DRG2: variants seen among roughly 807,000 people sequenced by gnomAD.
The protein encoded by DRG2 is developmentally-regulated GTP-binding protein 2.
In DRG2, 36 loss-of-function variants were observed where a neutral mutation model predicts 53.4. The observed-to-expected ratio is 0.67, with a 90% CI of 0.52 to 0.89. The LOEUF is 0.89. Among genes scored for constraint, DRG2 ranks in the 40% least tolerant of loss-of-function variants. The pLI is 0.00. For synonymous variants in DRG2, 167 were observed against 192.1 expected, an observed-to-expected ratio of 0.87 and a Z score of 1.08; for missense variants, 342 against 481.2, an observed-to-expected ratio of 0.71 and a Z score of 2.71.
At chr17:18,106,289 C>A in intron 11 of DRG2, 144 bp from the exon 12 acceptor site, 1 of 833,696 alleles carries the variant, frequency 1.2e-6, no homozygotes, top group Non-Finnish European at 2.0e-6. Flanking sequence ...CGTCAGTCCT[C>A]CACACAAGGC....
intron 1 of DRG2, 127 bp downstream of exon 1, chr17:18,088,214 T>C: frequency 1.6e-6 from 2 of 1,216,294 alleles, no homozygotes; most frequent in Non-Finnish European, 2.2e-6. Flanking sequence ...GCCAGACAAG[T>C]GCCGAGGCCG....
chr17:18,098,201 A>G lies in DRG2; in HGVS notation c.226-69A>G, dbSNP rs911045630. Reference sequence around the variant, plus strand: ...CTGCTGCCTGCACCTGCAGGCCCCCAGCCCCTGGGGCCTCTCCCAGAAGGC... The same window carrying G: ...CTGCTGCCTGCACCTGCAGGCCCCCGGCCCCTGGGGCCTCTCCCAGAAGGC... On this transcript the variant is annotated intron_variant, in intron 2 of 12. Coordinates refer to ENST00000225729, the MANE Select transcript of DRG2 (RefSeq NM_001388.5). The surrounding 1 kb of genome is among the most constrained non-coding windows in gnomAD (Gnocchi z 4.1). 7.3e-7 allele frequency: 1 copy of G among 1,364,482 alleles called. No individual in the cohort carries two copies. Among genetic ancestry groups the G allele is most frequent in the African/African-American group, 1.4e-5 (1 of 69,812 alleles). 84.5% of individuals were successfully genotyped at this position (1,364,482 alleles called of 1,614,324 possible).
intron 11 of DRG2, 116 bp from the exon 12 acceptor site, chr17:18,106,317 C>T: frequency 8.6e-7 from 1 of 1,161,906 alleles, no homozygotes; most frequent in Non-Finnish European, 1.3e-6. Flanking sequence ...GTGTGGGCAC[C>T]TGCCGCGGGA....
chr17:18,093,771 C>T, intron 1 of DRG2, 42 bp from the exon 2 acceptor site: 6 of 1,595,198 alleles, frequency 3.8e-6, no homozygotes, highest in Non-Finnish European at 5.1e-6. Flanking sequence ...TGGGCTTGGA[C>T]ACCCTGGCCA....
intron 10 of DRG2, among the ~76,000 whole-genome samples, 184 bp downstream of exon 10, chr17:18,104,073 G>A (rs952711823): frequency 2.6e-5 from 4 of 152,160 alleles, no homozygotes; most frequent in African/African-American, 9.7e-5. Context: ...GGTGGGGCAA[G>A]GCTACCTTGG....
chr17:18,097,805 C>T (rs537587107), intron 2 of DRG2: 1 of 153,224 alleles, frequency 6.5e-6, no homozygotes, highest in African/African-American at 2.4e-5. Flanking sequence ...CGACACCTCT[C>T]CTGTCAGCTG....
chr17:18,097,652 TGA>T (rs1428124355), intron 2 of DRG2: 5 of 152,436 alleles, frequency 3.3e-5, no homozygotes, highest in African/African-American at 9.7e-5. Flanking sequence ...GACCCTGAAC[TGA>T]GAGTATGGAG....
Position 18,098,372 on chromosome 17 carries a change from G to C in DRG2, c.315+13G>C. 1 of 1,612,358 alleles carries C rather than the reference G, an allele frequency of 6.2e-7. No homozygotes were observed. The highest frequency in any genetic ancestry group is 8.5e-7 in the Non-Finnish European group (1 of 1,178,524). On this transcript the variant is annotated intron_variant, in intron 3 of 12. Transcript: ENST00000225729. This position sits in a 1 kb window ranked among gnomAD's most constrained non-coding sequence, Gnocchi z 4.1. ...TGGGGTCATTGAAGTAAGTGGGTGT[G>C]CTGGGCCCAGAAGGAGAAGGGGCGC...
chr17:18,099,878 T>C lies in DRG2; in HGVS notation c.467+155T>C. The C allele has an allele frequency of 6.9e-6, 5 of 723,252 alleles. No homozygotes were observed. Among genetic ancestry groups the C allele is most frequent in the Non-Finnish European group, 1.2e-5 (5 of 428,338 alleles). 44.8% of individuals were successfully genotyped at this position (723,252 alleles called of 1,614,324 possible). ...ACTAAACCCAACACCACCCAGCCTA[T>C]GGCGTCTTCTCCTCAAGGCTTGTGT... On this transcript the variant is annotated intron_variant, in intron 5 of 12. Transcript: ENST00000225729. The surrounding 1 kb of genome is among the most constrained non-coding windows in gnomAD (Gnocchi z 4.4).
At position 18,098,500 on chromosome 17, in the gene DRG2, C is replaced by T. The variant is rs1038549500; in HGVS notation, c.315+141C>T. ...TGGACTGAGCTGCTTTGCCCTCCAG[C>T]ACTGACACTTCTGGGGATCCTAGCT... is the stretch of plus-strand genomic sequence containing the variant. On this transcript the variant is annotated intron_variant, in intron 3 of 12. Coordinates refer to ENST00000225729, the MANE Select transcript of DRG2 (RefSeq NM_001388.5). The surrounding 1 kb of genome is among the most constrained non-coding windows in gnomAD (Gnocchi z 4.1). 1.1e-5 allele frequency: 8 copies of T among 716,020 alleles called. No individual in the cohort carries two copies. Among genetic ancestry groups the T allele is most frequent in the Non-Finnish European group, 1.7e-5 (7 of 413,258 alleles). 44.4% of individuals were successfully genotyped at this position (716,020 alleles called of 1,614,324 possible).
chr17:18,090,379 TATATATATATATATATATATA>T lies in DRG2; in HGVS notation c.64+2293_64+2313del, dbSNP rs1567597895. 6.6e-4 allele frequency among the ~76,000 whole-genome samples: 7 copies of T among 10,614 alleles called. 1 individual carries two copies. The highest frequency in any genetic ancestry group is 8.6e-3 in the East Asian group (2 of 232). 7.0% of individuals were successfully genotyped at this position (10,614 alleles called of 152,430 possible). On this transcript the variant is annotated intron_variant, in intron 1 of 12. Transcript: ENST00000225729. ...CACACCGGGCTAATTTATATATATA[TATATATATATATATATATATA>T]TATATATTTTTTTTTTTTTTTTTTT...
chr17:18,101,057 A>G (rs543530665), intron 7 of DRG2, among the ~76,000 whole-genome samples: 1 of 152,226 alleles, frequency 6.6e-6, no homozygotes, highest in Admixed American at 6.5e-5. Flanking sequence ...CCTTGGGCAG[A>G]GTTATGCCTG....
At chr17:18,092,096 G>T (rs979456520) in intron 1 of DRG2, 1 of 151,664 alleles carries the variant, frequency 6.6e-6, no homozygotes, top group African/African-American at 2.4e-5. Context: ...GTTCCAGGAA[G>T]ATCTCGTTGA....
chr17:18,103,459 G>A lies in DRG2; in HGVS notation c.807-342G>A, dbSNP rs547261059. Reference sequence around the variant, plus strand: ...GCTCCTCTCAAGGAGTGAACTCTGGGTGTCAGGGTTCCTAGCCTTTGCCCA... The same window carrying A: ...GCTCCTCTCAAGGAGTGAACTCTGGATGTCAGGGTTCCTAGCCTTTGCCCA... On this transcript the variant is annotated intron_variant, in intron 9 of 12. Transcript: ENST00000225729. The surrounding 1 kb of genome is among the most constrained non-coding windows in gnomAD (Gnocchi z 4.4). 1.9e-3 allele frequency among the ~76,000 whole-genome samples: 296 copies of A among 152,234 alleles called. 1 individual carries two copies. Among genetic ancestry groups the A allele is most frequent in the African/African-American group, 6.9e-3 (286 of 41,530 alleles).
At chr17:18,088,453 AGAG>A (rs2045255736) in intron 1 of DRG2, among the ~76,000 whole-genome samples, 1 of 152,236 alleles carries the variant, frequency 6.6e-6, no homozygotes, top group Admixed American at 6.5e-5. Flanking sequence ...GGGAAGTGCA[AGAG>A]GAGACCTCTC....
In DRG2 at chr17:18,107,362, GTC is replaced by G. The variant is rs2045661739; in HGVS notation, c.*126_*127del. On this transcript the variant is annotated 3_prime_UTR_variant, in exon 13 of 13. Transcript: ENST00000225729. The stretch of plus-strand genomic sequence containing the variant: ...CGTACCCCAGGAAGGGGTCCCTCAA[GTC>G]TCTGCTATTTACAGAAGTTTCTTCA... 1 of 968,582 alleles carries G rather than the reference GTC, an allele frequency of 1.0e-6. No individual in the cohort carries two copies. Among genetic ancestry groups the G allele is most frequent in the South Asian group, 1.5e-5 (1 of 67,890 alleles). 60.0% of individuals were successfully genotyped at this position (968,582 alleles called of 1,614,324 possible).
intron 2 of DRG2, among the ~76,000 whole-genome samples, chr17:18,095,218 G>A (rs954029340): frequency 6.6e-6 from 1 of 151,142 alleles, no homozygotes; most frequent in Admixed American, 6.6e-5. Context: ...CACCACGTTC[G>A]CCAGGCTGGT....
In DRG2 at chr17:18,098,928, C is replaced by CG; in HGVS notation, c.316-85dup. 6.7e-7 allele frequency: 1 copy of CG among 1,485,834 alleles called. No individual in the cohort carries two copies. Among genetic ancestry groups the CG allele is most frequent in the South Asian group, 1.2e-5 (1 of 85,680 alleles). 92.0% of individuals were successfully genotyped at this position (1,485,834 alleles called of 1,614,324 possible). A position where few individuals can be genotyped will look rare whatever the true frequency, so the allele number is the denominator to read the frequency against. ...TGGGTTTCCCTCAGCCCCTGAGCCC[C>CG]GGGGCCATTCCAGATGTCCCAGATC... On this transcript the variant is annotated intron_variant, in intron 3 of 12. Coordinates refer to ENST00000225729, the MANE Select transcript of DRG2 (RefSeq NM_001388.5). This position sits in a 1 kb window ranked among gnomAD's most constrained non-coding sequence, Gnocchi z 4.1.
At chr17:18,107,045 A>C in intron 12 of DRG2, 109 bp from the exon 13 acceptor site, 2 of 999,352 alleles carry the variant, frequency 2.0e-6, no homozygotes, top group Admixed American at 3.9e-5. Context: ...TGAGGCCCCC[A>C]CCTTATGCCA....
Sources: gnomAD v4.1 joint callset for allele counts (sites outside exome capture counted in the v4.1 genomes callset) on GRCh38, gnomAD v4.1.1 for gene constraint, Gnocchi (gnomAD v3.1) non-coding constraint, MANE v1.5 for transcripts, NCBI Gene and HGNC (gene_info 2026-07-23, HGNC 2026-07-21) for gene names.